SYMPK: variants seen among roughly 807,000 people sequenced by gnomAD.
The protein encoded by SYMPK is symplekin.
SYMPK carries 49 observed loss-of-function variants against 136.4 expected under a neutral mutation model. That is an observed-to-expected ratio of 0.36 (90% confidence interval 0.29 to 0.46). The LOEUF (loss-of-function observed/expected upper bound fraction) is 0.46. Among genes scored for constraint, SYMPK ranks in the 20% least tolerant of loss-of-function variants. The pLI, the probability that SYMPK is intolerant of heterozygous loss-of-function variation, is 1.00. For missense variants in SYMPK, 1,365 were observed against 1,690.0 expected (o/e 0.81, Z 3.37); for synonymous variants, 766 against 713.0 (o/e 1.07, Z -1.19).
At chr19:45,863,001 G>A (rs1347999873) in intron 1 of SYMPK, 57 bp downstream of exon 1, 2 of 400,272 alleles carry the variant, frequency 5.0e-6, no homozygotes, top group Non-Finnish European at 8.8e-6. Flanking sequence ...CCGAGCCCCT[G>A]CTTCTTTAGG....
intron 11 of SYMPK, 128 bp downstream of exon 11, chr19:45,834,950 G>C: frequency 1.2e-6 from 1 of 842,724 alleles, no homozygotes; most frequent in Non-Finnish European, 1.7e-6. Flanking sequence ...TGTGGTACCT[G>C]TCATTATCTA....
At position 45,815,710 on chromosome 19, in the gene SYMPK, G is replaced by GA; in HGVS notation, c.3688-14dup. ...CCGCTGCCGTCTCCTGGTGACCGGG[G>GA]AAGGAAAGGGCAGCCGGGTGGAGGG... On this transcript the variant is annotated splice_polypyrimidine_tract_variant and intron_variant, in intron 26 of 26. Coordinates refer to ENST00000245934, the MANE Select transcript of SYMPK (RefSeq NM_004819.3). 1 of 1,608,060 alleles carries GA rather than the reference G, an allele frequency of 6.2e-7. No individual in the cohort carries two copies. The highest frequency in any genetic ancestry group is 1.1e-5 in the South Asian group (1 of 90,344).
In SYMPK at chr19:45,823,379, A is replaced by C. The variant is rs1970956341; in HGVS notation, c.2693T>G (p.Leu898Arg). The C allele has an allele frequency of 6.2e-7, 1 of 1,613,820 alleles. No individual in the cohort carries two copies. Among genetic ancestry groups the C allele is most frequent in the South Asian group, 1.1e-5 (1 of 91,086 alleles). Reference protein sequence around the residue: ...VRFLIPVLNGLEKKEVIQALP... With the variant: ...VRFLIPVLNGREKKEVIQALP... ...AGGCCTCCAGCTCCATACCTTCTCCAGCCCATTGAGCACCGGGATGAGGAA... is the reference window on the plus strand; with the variant it reads ...AGGCCTCCAGCTCCATACCTTCTCCCGCCCATTGAGCACCGGGATGAGGAA... The change falls in exon 20 of 27, where the codon CTG becomes CGG. Residue 898 changes from leucine to arginine, a missense_variant. This residue lies in a region of SYMPK where 92 missense variants were observed against 198.6 expected (regional missense o/e 0.46). Coordinates refer to ENST00000245934, the MANE Select transcript of SYMPK (RefSeq NM_004819.3).
chr19:45,826,474 G>A, intron 16 of SYMPK, 101 bp from the exon 17 acceptor site: 1 of 1,302,442 alleles, frequency 7.7e-7, no homozygotes, highest in Non-Finnish European at 1.1e-6. Flanking sequence ...CAAGCCCGAG[G>A]CTGAGAAGGG....
At chr19:45,833,040 AAAAC>A (rs1971222459) in intron 11 of SYMPK, among the ~76,000 whole-genome samples, 1 of 150,798 alleles carries the variant, frequency 6.6e-6, no homozygotes, top group Non-Finnish European at 1.5e-5. Context: ...AAAACCGTGA[AAAAC>A]AAAAAATTAG....
rs767460541 is a variant in SYMPK, at chr19:45,815,713, G to A, written c.3688-16C>T. The A allele has an allele frequency of 2.7e-5, 43 of 1,607,256 alleles. 1 individual carries two copies. In the South Asian group the frequency reaches 3.8e-4, roughly 14 times the overall value. On this transcript the variant is annotated splice_polypyrimidine_tract_variant and intron_variant, in intron 26 of 26. Transcript: ENST00000245934. Reference sequence around the variant, plus strand: ...CTGCCGTCTCCTGGTGACCGGGGAAGGAAAGGGCAGCCGGGTGGAGGGCGC... The same window carrying A: ...CTGCCGTCTCCTGGTGACCGGGGAAAGAAAGGGCAGCCGGGTGGAGGGCGC...
chr19:45,822,864 T>G lies in SYMPK; in HGVS notation c.2701-18A>C. The G allele has an allele frequency of 1.9e-6, 3 of 1,586,722 alleles. No homozygotes were observed. The highest frequency in any genetic ancestry group is 2.6e-6 in the Non-Finnish European group (3 of 1,155,656). ...ACCTCTTTCTACAGGGAGAAGGTGG[T>G]GGGGGTGGGAGTTGAGTCACATACA... On this transcript the variant is annotated intron_variant, in intron 20 of 26. Coordinates refer to ENST00000245934, the MANE Select transcript of SYMPK (RefSeq NM_004819.3).
At chr19:45,856,761 A>C (rs34653235) in intron 1 of SYMPK, among the ~76,000 whole-genome samples, 21,716 of 151,698 alleles carry the variant, frequency 0.14, 1,634 homozygotes, top group South Asian at 0.18. Context: ...GAGGTGGAGG[A>C]TGCAGTGAGC....
intron 7 of SYMPK, among the ~76,000 whole-genome samples, chr19:45,845,025 A>G (rs757391886): frequency 3.2e-4 from 48 of 152,230 alleles, no homozygotes; most frequent in Non-Finnish European, 6.8e-4. Flanking sequence ...CCGTTTTGTT[A>G]CACACAATCC....
At chr19:45,820,190 G>A (rs940256936) in intron 22 of SYMPK, 1 of 152,426 alleles carries the variant, frequency 6.6e-6, no homozygotes, top group Admixed American at 6.5e-5. Context: ...GTGTGTGTAT[G>A]TGTGAACCCC....
At chr19:45,825,079 A>G in intron 18 of SYMPK, 92 bp downstream of exon 18, 1 of 1,500,686 alleles carries the variant, frequency 6.7e-7, no homozygotes, top group South Asian at 1.3e-5. Context: ...GGCTTGGCAC[A>G]CTCTGAGGTG....
chr19:45,818,170 C>G, intron 22 of SYMPK, 24 bp from the exon 23 acceptor site: 1 of 1,514,362 alleles, frequency 6.6e-7, no homozygotes, highest in Non-Finnish European at 8.9e-7. Flanking sequence ...GAGAGTGGGC[C>G]TGTCCTCTCT....
At chr19:45,853,273 C>A (rs1206507091) in intron 3 of SYMPK, among the ~76,000 whole-genome samples, 1 of 152,194 alleles carries the variant, frequency 6.6e-6, no homozygotes, top group African/African-American at 2.4e-5. Flanking sequence ...TGCTCTGAAC[C>A]ATGCCCAGCC....
chr19:45,845,886 CTT>C (rs1210427664), intron 7 of SYMPK, among the ~76,000 whole-genome samples: 2 of 152,184 alleles, frequency 1.3e-5, no homozygotes, highest in African/African-American at 4.8e-5. Flanking sequence ...ATAAAAGTCA[CTT>C]TAACTGGGGT....
At chr19:45,851,254 T>C (rs1318205878) in intron 5 of SYMPK, among the ~76,000 whole-genome samples, 2 of 152,184 alleles carry the variant, frequency 1.3e-5, no homozygotes, top group Admixed American at 1.3e-4. Context: ...GTGAACGTGC[T>C]AAATGCCACT....
chr19:45,839,330 T>C (rs1335102336), intron 9 of SYMPK, among the ~76,000 whole-genome samples: 1 of 152,216 alleles, frequency 6.6e-6, no homozygotes, highest in African/African-American at 2.4e-5. Context: ...AAAGAAAGAC[T>C]GATTCCAGGG....
In SYMPK at chr19:45,818,150, C is replaced by T. The variant is rs963342804; in HGVS notation, c.2894-4G>A. 1 of 1,538,194 alleles carries T rather than the reference C, an allele frequency of 6.5e-7. No homozygotes were observed. The highest frequency in any genetic ancestry group is 8.8e-7 in the Non-Finnish European group (1 of 1,138,296). ...TCCGCAAAGCACAGGTTGGTGGCTG[C>T]GAGGAGGCGGAGAGTGGGCCTGTCC... On this transcript the variant is annotated splice_region_variant and splice_polypyrimidine_tract_variant and intron_variant, in intron 22 of 26. Coordinates refer to ENST00000245934, the MANE Select transcript of SYMPK (RefSeq NM_004819.3).
At chr19:45,838,425 C>G (rs774249534) in intron 10 of SYMPK, 36 bp downstream of exon 10, 121 of 1,592,034 alleles carry the variant, frequency 7.6e-5, no homozygotes, top group Non-Finnish European at 1.0e-4. Flanking sequence ...TCCTTCCTTC[C>G]TGCCCAGGGG....
At chr19:45,831,304 C>G (rs1451365311) in intron 12 of SYMPK, 80 bp downstream of exon 12, 1 of 1,210,580 alleles carries the variant, frequency 8.3e-7, no homozygotes, top group African/African-American at 1.5e-5. Context: ...CGCACACGCA[C>G]ACGCACACGC....
Sources: gnomAD v4.1 joint callset for allele counts (sites outside exome capture counted in the v4.1 genomes callset) on GRCh38, gnomAD v4.1.1 for gene constraint, gnomAD v4.1.1 regional missense constraint, MANE v1.5 for transcripts, NCBI Gene and HGNC (gene_info 2026-07-23, HGNC 2026-07-21) for gene names.